HIC2: variants seen among roughly 807,000 people sequenced by gnomAD.
The protein encoded by HIC2 is hypermethylated in cancer 2 protein.
In HIC2, 2 loss-of-function variants were observed where a neutral mutation model predicts 39.5. The ratio of observed to expected loss-of-function variants is 0.05; its 90% CI spans 0.02 to 0.16. The LOEUF (loss-of-function observed/expected upper bound fraction) is 0.16. HIC2 is among the 10% of genes least tolerant of loss of function. The probability of loss-of-function intolerance (pLI) is 1.00; values close to 1 mark genes in which losing one functional copy is unlikely to be tolerated. For missense variants in HIC2, 713 were observed against 863.5 expected (o/e 0.83, Z 2.18); for synonymous variants, 399 against 368.8 (o/e 1.08, Z -0.94).
intron 1 of HIC2, among the ~76,000 whole-genome samples, chr22:21,426,508 GC>G (rs1188164722): frequency 6.8e-6 from 1 of 146,936 alleles, no homozygotes; most frequent in Non-Finnish European, 1.5e-5. Context: ...AGTCTCTGTT[GC>G]CCAGGCTGGA....
intron 1 of HIC2, chr22:21,420,581 GGT>G (rs1923047387): frequency 9.0e-6 from 1 of 110,972 alleles, no homozygotes; most frequent in Non-Finnish European, 1.8e-5. Flanking sequence ...ATGCCATGTG[GGT>G]TGGGGTTGGC....
chr22:21,444,866 GC>G, intron 2 of HIC2, 55 bp from the exon 3 acceptor site: 1 of 1,559,540 alleles, frequency 6.4e-7, no homozygotes. Context: ...CTGCCCCAGA[GC>G]CCTGGTCCGA....
chr22:21,451,240 G>C lies in HIC2; in HGVS notation c.*4497G>C, dbSNP rs559324343. 3.3e-5 allele frequency: 5 copies of C among 152,742 alleles called. No homozygotes were observed. Among genetic ancestry groups the C allele is most frequent in the African/African-American group, 1.2e-4 (5 of 41,424 alleles). 9.5% of individuals were successfully genotyped at this position (152,742 alleles called of 1,614,324 possible). A position where few individuals can be genotyped will look rare whatever the true frequency, so the allele number is the denominator to read the frequency against. On this transcript the variant is annotated 3_prime_UTR_variant, in exon 3 of 3. Coordinates refer to ENST00000407464, the MANE Select transcript of HIC2 (RefSeq NM_015094.3). ...AGAAGGGGGGAGGGACACCGGGATC[G>C]CACTCCTGTACTGGCCACCGCCGCT...
At chr22:21,425,359 TAGGA>T (rs1923189583) in intron 1 of HIC2, among the ~76,000 whole-genome samples, 2 of 136,276 alleles carry the variant, frequency 1.5e-5, no homozygotes, top group Non-Finnish European at 3.1e-5. Context: ...TGTGATGAAA[TAGGA>T]AGGATGCATG....
In HIC2 at chr22:21,447,762, TTTCA is replaced by T. The variant is rs1339145402; in HGVS notation, c.*1022_*1025del. The T allele has an allele frequency of 6.6e-6, 1 of 152,016 alleles. No individual in the cohort carries two copies. The highest frequency in any genetic ancestry group is 1.5e-5 in the Non-Finnish European group (1 of 68,002). 9.4% of individuals were successfully genotyped at this position (152,016 alleles called of 1,614,324 possible). On this transcript the variant is annotated 3_prime_UTR_variant, in exon 3 of 3. Transcript: ENST00000407464. ...ATGCCGGGGCCGTCGGTACTCTTGT[TTTCA>T]TTTGTGTGTGCGTGCGTGTGTGTGT...
intron 1 of HIC2, among the ~76,000 whole-genome samples, chr22:21,425,542 CTTTTTTT>C (rs1207096707): frequency 1.7e-5 from 1 of 60,558 alleles, no homozygotes; most frequent in African/African-American, 5.2e-5. Context: ...TTAATTTTTT[CTTTTTTT>C]TTTTTTTTTT....
In HIC2 at chr22:21,446,871, C is replaced by A; in HGVS notation, c.*128C>A. ...GGAGGCTCCGGGTGGCCCCTCTGGC[C>A]CCCACTGCCCACACCCAGAGCTTTA... is the stretch of plus-strand genomic sequence containing the variant. On this transcript the variant is annotated 3_prime_UTR_variant, in exon 3 of 3. Transcript: ENST00000407464. The A allele has an allele frequency of 1.6e-6, 2 of 1,263,210 alleles. No individual in the cohort carries two copies. Among genetic ancestry groups the A allele is most frequent in the Non-Finnish European group, 2.1e-6 (2 of 937,740 alleles). The allele number at this position is 1,263,210 out of a possible 1,614,324, so 78.3% of individuals were successfully genotyped here.
rs547157778 is a variant in HIC2 at position 21,448,412 on chromosome 22, T to G, written c.*1669T>G. The G allele has an allele frequency of 2.0e-5, 3 of 152,902 alleles. No individual in the cohort carries two copies. The highest frequency in any genetic ancestry group is 2.0e-4 in the Admixed American group (3 of 15,306). 9.5% of individuals were successfully genotyped at this position (152,902 alleles called of 1,614,324 possible). On this transcript the variant is annotated 3_prime_UTR_variant, in exon 3 of 3. Transcript: ENST00000407464. ...TTGGTAATTAGCCAGCCTCAGATAC[T>G]TCTGTGGGCCCTGAAGTGGGCTCTC...
rs1295054390 is a variant in HIC2 at position 21,425,814 on chromosome 22, C to T, written c.-74+8254C>T. ...GCAACCTCCGCCTCCTGGGTTCAAG[C>T]GATTCTCCTGCCTCAGCCTCCCGAG... On this transcript the variant is annotated intron_variant, in intron 1 of 2. Coordinates refer to ENST00000407464, the MANE Select transcript of HIC2 (RefSeq NM_015094.3). Among the ~76,000 whole-genome samples, 11 of 146,000 alleles carry T rather than the reference C, an allele frequency of 7.5e-5. No individual in the cohort carries two copies. The East Asian group carries it at 8.2e-4, about 11-fold the overall frequency.
In HIC2 at chr22:21,445,214, C is replaced by G; in HGVS notation, c.319C>G (p.Pro107Ala). 1 of 1,613,874 alleles carries G rather than the reference C, an allele frequency of 6.2e-7. No homozygotes were observed. The highest frequency in any genetic ancestry group is 8.5e-7 in the Non-Finnish European group (1 of 1,180,024). ...CTTCATCTACACAGGCAAGCTGCTG[C>G]CCAGCGACCAGCCAGCCGAGCCCAA... The part of the protein sequence containing the change: ...LDFIYTGKLL[P>A]SDQPAEPNFS... The change falls in exon 3 of 3, where the codon CCC becomes GCC. Residue 107 changes from proline to alanine, a missense_variant. Pro to Ala is a conservative substitution (Grantham distance 27). Around this residue, in one of 5 missense-constraint regions of HIC2, gnomAD observed 102 missense variants for 187.1 expected, o/e 0.55. Transcript: ENST00000407464.
intron 2 of HIC2, 26 bp from the exon 3 acceptor site, chr22:21,444,896 G>T: frequency 1.3e-6 from 2 of 1,591,732 alleles, no homozygotes; most frequent in Non-Finnish European, 1.7e-6. Context: ...GTCATCTGAC[G>T]CATGCGTGCC....
Position 21,445,377 on chromosome 22 carries a change from G to A in HIC2, c.482G>A (p.Arg161His), listed in dbSNP as rs1923741458. The change falls in exon 3 of 3, where the codon CGC becomes CAC. Residue 161 changes from arginine (R) to histidine (H), a missense_variant. Arg to His is a conservative substitution (Grantham distance 29). This residue lies in a region of HIC2 where 457 missense variants were observed against 420.2 expected (regional missense o/e 1.09). Coordinates refer to ENST00000407464, the MANE Select transcript of HIC2 (RefSeq NM_015094.3). ...AGSTGMGRPP[R>H]SQRLSTASVI... is the part of the protein sequence containing the mutation. ...TCCACTGGCATGGGGCGGCCCCCCC[G>A]CAGCCAGCGGCTGTCCACGGCCTCT... is the stretch of plus-strand genomic sequence containing the variant. The A allele has an allele frequency of 1.1e-5, 17 of 1,550,982 alleles. No homozygotes were observed. The highest frequency in any genetic ancestry group is 1.9e-5 in the Admixed American group (1 of 52,140).
rs746001293 is a variant in HIC2 at position 21,445,567 on chromosome 22, G to A, written c.672G>A (p.Glu224=). Residue 224 remains glutamate, a synonymous_variant, in exon 3 of 3, where the codon GAG becomes GAA. Transcript: ENST00000407464. ...LGRAVCPAGG[E]AGLGGCSSST... is the part of the protein sequence containing the mutation. ...GGGCTGTCTGCCCAGCTGGCGGGGA[G>A]GCGGGTCTGGGGGGCTGCAGCAGCA... 3 of 1,593,814 alleles carry A rather than the reference G, an allele frequency of 1.9e-6. No individual in the cohort carries two copies. The Admixed American group carries it at 5.4e-5, about 29-fold the overall frequency.
rs1924060238 is a variant in HIC2, at chr22:21,449,701, T to G, written c.*2958T>G. On this transcript the variant is annotated 3_prime_UTR_variant, in exon 3 of 3. Coordinates refer to ENST00000407464, the MANE Select transcript of HIC2 (RefSeq NM_015094.3). ...CTGGGGGAGGGATTGGAAGCCTCCC[T>G]GGAGTCACCTGAGCCCTCGTCCCCA... 6.5e-6 allele frequency: 1 copy of G among 152,762 alleles called. No individual in the cohort carries two copies. The highest frequency in any genetic ancestry group is 1.5e-5 in the Non-Finnish European group (1 of 68,096). The allele number at this position is 152,762 out of a possible 1,614,324, so 9.5% of individuals were successfully genotyped here.
chr22:21,418,093 G>A (rs934465443), intron 1 of HIC2, among the ~76,000 whole-genome samples: 1 of 134,598 alleles, frequency 7.4e-6, no homozygotes, highest in African/African-American at 2.6e-5. Context: ...CCACGGCAGG[G>A]GCAGGGGCGG....
rs1007743627 is a variant in HIC2 at position 21,417,410 on chromosome 22, G to A, written c.-224G>A. The stretch of plus-strand genomic sequence containing the variant: ...TGGCGCTGGGCGGGCGGCTGTGAGC[G>A]GCGCTCGGGGCGCGCTAGGCGGGGA... On this transcript the variant is annotated 5_prime_UTR_variant, in exon 1 of 3. Coordinates refer to ENST00000407464, the MANE Select transcript of HIC2 (RefSeq NM_015094.3). 14 of 142,792 alleles carry A rather than the reference G, an allele frequency of 9.8e-5. No individual in the cohort carries two copies. The highest frequency in any genetic ancestry group is 2.8e-4 in the African/African-American group (11 of 39,136). The allele number at this position is 142,792 out of a possible 1,614,324, so 8.8% of individuals were successfully genotyped here.
Position 21,446,054 on chromosome 22 carries a change from C to T in HIC2, c.1159C>T (p.Pro387Ser). 6.9e-6 allele frequency: 11 copies of T among 1,604,936 alleles called. No individual in the cohort carries two copies. The highest frequency in any genetic ancestry group is 9.3e-6 in the Non-Finnish European group (11 of 1,177,932). Residue 387 changes from proline (P) to serine (S), a missense_variant, in exon 3 of 3, where the codon CCC becomes TCC. By Grantham distance (74) the Pro-to-Ser change is moderately conservative. Around this residue, in one of 5 missense-constraint regions of HIC2, gnomAD observed 457 missense variants for 420.2 expected, o/e 1.09. Coordinates refer to ENST00000407464, the MANE Select transcript of HIC2 (RefSeq NM_015094.3). Reference protein sequence around the residue: ...ILASGAGPSGPYGEPPYPCKE... With the variant: ...ILASGAGPSGSYGEPPYPCKE... ...GGCTAGTGGGGCTGGCCCTAGCGGGCCCTATGGGGAGCCCCCCTACCCCTG... is the reference window on the plus strand; with the variant it reads ...GGCTAGTGGGGCTGGCCCTAGCGGGTCCTATGGGGAGCCCCCCTACCCCTG...
At position 21,445,575 on chromosome 22, in the gene HIC2, T is replaced by TG; in HGVS notation, c.686dup (p.Cys230LeufsTer40). On this transcript the variant is annotated frameshift_variant, in exon 3 of 3. Coordinates refer to ENST00000407464, the MANE Select transcript of HIC2 (RefSeq NM_015094.3). LOFTEE classifies it high-confidence loss of function. ...TGCCCAGCTGGCGGGGAGGCGGGTC[T>TG]GGGGGGCTGCAGCAGCAGCACCAAC... 1.3e-6 allele frequency: 2 copies of TG among 1,590,172 alleles called. No individual in the cohort carries two copies. The highest frequency in any genetic ancestry group is 8.5e-7 in the Non-Finnish European group (1 of 1,169,938).
chr22:21,444,115 G>T (rs1479162536), intron 2 of HIC2, among the ~76,000 whole-genome samples: 1 of 152,268 alleles, frequency 6.6e-6, no homozygotes, highest in East Asian at 1.9e-4. Flanking sequence ...GCAGAGACCA[G>T]CGGCGTCAGT....
Sources: allele counts gnomAD v4.1 joint callset (sites outside exome capture counted in the v4.1 genomes callset), GRCh38; gene constraint gnomAD v4.1.1; regional missense constraint gnomAD v4.1.1; transcripts MANE v1.5; gene names NCBI Gene and HGNC (gene_info 2026-07-23, HGNC 2026-07-21).